The following RNGTT variants were observed in gnomAD, a reference collection of about 807,000 sequenced individuals.
RNGTT encodes mRNA-capping enzyme.
Under a neutral mutation model 79.3 loss-of-function variants are expected in RNGTT, and 33 were observed. That is an observed-to-expected ratio of 0.42 (90% confidence interval 0.32 to 0.56). The LOEUF (loss-of-function observed/expected upper bound fraction) is 0.56. Ranked by LOEUF, RNGTT falls within the 20% of genes least tolerant of loss-of-function variation. The pLI is 0.17. For missense variants in RNGTT, 497 were observed against 739.1 expected (o/e 0.67, Z 3.80); for synonymous variants, 222 against 235.9 (o/e 0.94, Z 0.54).
chr6:88,943,630 T>C (rs1004240556), intron 1 of RNGTT, among the ~76,000 whole-genome samples: 1 of 151,324 alleles, frequency 6.6e-6, no homozygotes, highest in African/African-American at 2.4e-5. Flanking sequence ...TATATTCTAT[T>C]AGGAAAATAT....
intron 13 of RNGTT, among the ~76,000 whole-genome samples, chr6:88,752,146 AG>A (rs1172566565): frequency 6.6e-6 from 1 of 152,108 alleles, no homozygotes; most frequent in African/African-American, 2.4e-5. Flanking sequence ...TATATTTTGA[AG>A]CTGTCATATG....
In RNGTT at chr6:88,891,919, T is replaced by TAA; in HGVS notation, c.685-6_685-5dup. 10 of 1,331,412 alleles carry TAA rather than the reference T, an allele frequency of 7.5e-6. No homozygotes were observed. The highest frequency in any genetic ancestry group is 3.1e-5 in the South Asian group (2 of 65,442). The allele number at this position is 1,331,412 out of a possible 1,614,324, so 82.5% of individuals were successfully genotyped here. A position where few individuals can be genotyped will look rare whatever the true frequency, so the allele number is the denominator to read the frequency against. On this transcript the variant is annotated splice_polypyrimidine_tract_variant and splice_region_variant and intron_variant, in intron 6 of 15. Coordinates refer to ENST00000369485, the MANE Select transcript of RNGTT (RefSeq NM_003800.5). ...CACCTTCCAAGAAAATAGCGCCCTT[T>TAA]AAAAAAAAAATAAGAAAAATAAGGG...
intron 13 of RNGTT, among the ~76,000 whole-genome samples, chr6:88,737,231 TA>T (rs1350752676): frequency 2.6e-5 from 4 of 152,198 alleles, no homozygotes; most frequent in Admixed American, 2.6e-4. Context: ...TTCTCCTTCT[TA>T]GAATGGGAAT....
chr6:88,701,816 T>G (rs1775955988), intron 13 of RNGTT, among the ~76,000 whole-genome samples: 1 of 147,038 alleles, frequency 6.8e-6, no homozygotes, highest in Non-Finnish European at 1.5e-5. Context: ...TGTTTCTAAT[T>G]CTCATGCTGT....
At chr6:88,858,334 C>G (rs1781903907) in intron 8 of RNGTT, among the ~76,000 whole-genome samples, 1 of 152,142 alleles carries the variant, frequency 6.6e-6, no homozygotes, top group Admixed American at 6.6e-5. Flanking sequence ...GGCACAGACT[C>G]TCTTCTCAAC....
intron 1 of RNGTT, among the ~76,000 whole-genome samples, chr6:88,945,962 C>T (rs141837810): frequency 6.6e-6 from 1 of 152,204 alleles, no homozygotes; most frequent in Non-Finnish European, 1.5e-5. Flanking sequence ...TTGCCTGATA[C>T]AACACATTCC....
chr6:88,722,753 G>T (rs1322279019), intron 13 of RNGTT, among the ~76,000 whole-genome samples: 5 of 152,294 alleles, frequency 3.3e-5, no homozygotes, highest in African/African-American at 9.6e-5. Flanking sequence ...ATAGTCATGA[G>T]CCTCATAACA....
rs146082571 is a variant in RNGTT, at chr6:88,708,167, A to C, written c.1440-29748T>G. On this transcript the variant is annotated intron_variant, in intron 13 of 15. Coordinates refer to ENST00000369485, the MANE Select transcript of RNGTT (RefSeq NM_003800.5). ...ATTAGATTTTCCTGGACCAGGTAGG[A>C]GGTTCCAGAGAGGGAAGGGCTGGGG... is the stretch of plus-strand genomic sequence containing the variant. Among the ~76,000 whole-genome samples, 311 of 152,136 alleles carry C rather than the reference A, an allele frequency of 2.0e-3. 2 individuals carry two copies. The highest frequency in any genetic ancestry group is 7.3e-3 in the African/African-American group (304 of 41,526).
At chr6:88,685,912 T>C (rs1231485353) in intron 13 of RNGTT, among the ~76,000 whole-genome samples, 1 of 151,850 alleles carries the variant, frequency 6.6e-6, no homozygotes, top group African/African-American at 2.4e-5. Flanking sequence ...ATCACCATTT[T>C]TGTTTAACAA....
At chr6:88,634,092 C>T (rs998765020) in intron 14 of RNGTT, among the ~76,000 whole-genome samples, 1 of 151,998 alleles carries the variant, frequency 6.6e-6, no homozygotes, top group Non-Finnish European at 1.5e-5. Flanking sequence ...TGCATCATTC[C>T]CTTTTGTATC....
At chr6:88,825,622 T>C (rs540840320) in intron 11 of RNGTT, among the ~76,000 whole-genome samples, 1 of 152,326 alleles carries the variant, frequency 6.6e-6, no homozygotes, top group East Asian at 1.9e-4. Flanking sequence ...TGAATACATG[T>C]AAACCTTGCC....
chr6:88,725,299 C>T (rs981220079), intron 13 of RNGTT, among the ~76,000 whole-genome samples: 14 of 152,300 alleles, frequency 9.2e-5, no homozygotes, highest in African/African-American at 3.4e-4. Flanking sequence ...AGAAACCTAG[C>T]TTAAAGGATC....
At chr6:88,941,875 A>T (rs1005855617) in intron 1 of RNGTT, among the ~76,000 whole-genome samples, 1 of 152,192 alleles carries the variant, frequency 6.6e-6, no homozygotes, top group Non-Finnish European at 1.5e-5. Context: ...TAAGTTCTAC[A>T]CCACTACATT....
intron 15 of RNGTT, among the ~76,000 whole-genome samples, chr6:88,613,335 T>C (rs577356994): frequency 1.3e-5 from 2 of 152,374 alleles, no homozygotes; most frequent in Admixed American, 6.5e-5. Context: ...GGTGGTTTCA[T>C]TGTAGCTAGC....
chr6:88,783,789 T>C (rs1176799489), intron 12 of RNGTT, among the ~76,000 whole-genome samples: 1 of 152,186 alleles, frequency 6.6e-6, no homozygotes, highest in East Asian at 1.9e-4. Context: ...ACAGCATCCC[T>C]GGCCTCTATG....
intron 2 of RNGTT, among the ~76,000 whole-genome samples, chr6:88,937,220 C>A (rs1365422196): frequency 6.6e-6 from 1 of 152,084 alleles, no homozygotes; most frequent in Non-Finnish European, 1.5e-5. Context: ...GTGGCACATG[C>A]CTGTAATCCC....
At chr6:88,717,233 G>C (rs1776549664) in intron 13 of RNGTT, among the ~76,000 whole-genome samples, 1 of 152,120 alleles carries the variant, frequency 6.6e-6, no homozygotes, top group Admixed American at 6.5e-5. Context: ...TGAGGTTATT[G>C]TTCAATATAA....
chr6:88,877,062 A>T (rs1383461288), intron 8 of RNGTT, among the ~76,000 whole-genome samples: 4 of 152,214 alleles, frequency 2.6e-5, no homozygotes, highest in African/African-American at 9.6e-5. Flanking sequence ...CTACTAACCA[A>T]TGGGTATTTC....
At chr6:88,699,565 C>T (rs753735157) in intron 13 of RNGTT, among the ~76,000 whole-genome samples, 20 of 152,040 alleles carry the variant, frequency 1.3e-4, no homozygotes, top group Non-Finnish European at 2.8e-4. Context: ...CGCCTGTAGT[C>T]CCAGTAAAAG....
Sources: allele counts gnomAD v4.1 joint callset (sites outside exome capture counted in the v4.1 genomes callset), GRCh38; gene constraint gnomAD v4.1.1; transcripts MANE v1.5; gene names NCBI Gene and HGNC (gene_info 2026-07-23, HGNC 2026-07-21).